The following RNF216 variants were observed in gnomAD, a reference collection of about 807,000 sequenced individuals.
The protein encoded by RNF216 is E3 ubiquitin-protein ligase RNF216.
RNF216 carries 72 observed loss-of-function variants against 110.8 expected under a neutral mutation model. The ratio of observed to expected loss-of-function variants is 0.65; its 90% CI spans 0.54 to 0.79. RNF216 has a LOEUF of 0.79. Ranked by LOEUF, RNF216 falls within the 30% of genes least tolerant of loss-of-function variation. The pLI is 0.00. For synonymous variants in RNF216, 495 were observed against 407.5 expected (o/e 1.21, Z -2.59); for missense variants, 1,342 against 1,141.2 (o/e 1.18, Z -2.54).
chr7:5,727,159 G>A (rs1381674638), intron 7 of RNF216, among the ~76,000 whole-genome samples: 1 of 152,202 alleles, frequency 6.6e-6, no homozygotes, highest in Admixed American at 6.5e-5. Context: ...TGAAACTCCT[G>A]CTGAAACTTA....
intron 13 of RNF216, among the ~76,000 whole-genome samples, chr7:5,688,165 C>G (rs1196383493): frequency 6.6e-6 from 1 of 152,202 alleles, no homozygotes; most frequent in African/African-American, 2.4e-5. Context: ...ACGCACAGAA[C>G]TGTGTAAAAC....
At chr7:5,656,447 T>C (rs1319059336) in intron 13 of RNF216, among the ~76,000 whole-genome samples, 1 of 152,188 alleles carries the variant, frequency 6.6e-6, no homozygotes, top group Non-Finnish European at 1.5e-5. Context: ...CAGGGTATCG[T>C]GGCCATCGCG....
chr7:5,774,192 C>T (rs113595947), intron 1 of RNF216, among the ~76,000 whole-genome samples: 2 of 168 alleles, frequency 0.012, no homozygotes, highest in Non-Finnish European at 0.023. Flanking sequence ...TCTTGGTTTC[C>T]CATTTAGTCA....
intron 1 of RNF216, among the ~76,000 whole-genome samples, chr7:5,763,726 T>C (rs1026010862): frequency 2.0e-5 from 3 of 152,048 alleles, no homozygotes; most frequent in African/African-American, 7.2e-5. Flanking sequence ...TGCACCACCA[T>C]GCCTAGCTGA....
intron 13 of RNF216, among the ~76,000 whole-genome samples, chr7:5,665,064 CT>C (rs1182401346): frequency 1.3e-5 from 2 of 152,176 alleles, no homozygotes; most frequent in African/African-American, 4.8e-5. Flanking sequence ...TCCCAAAGTG[CT>C]GCGATTACAG....
intron 5 of RNF216, among the ~76,000 whole-genome samples, chr7:5,734,451 G>C (rs114142862): frequency 0.025 from 3,750 of 152,166 alleles, 171 homozygotes; most frequent in African/African-American, 0.086. Context: ...TGTTTGGTTT[G>C]TGATAAATTA....
At chr7:5,679,903 G>A (rs1165821341) in intron 13 of RNF216, among the ~76,000 whole-genome samples, 1 of 152,136 alleles carries the variant, frequency 6.6e-6, no homozygotes, top group Non-Finnish European at 1.5e-5. Flanking sequence ...TGAGCCAGGC[G>A]GCTCCACAGT....
rs192415081 is a variant in RNF216, at chr7:5,663,563, G to A, written c.2062-11053C>T. ...TGCGCCACTGCACTCCAGTCTGGGC[G>A]ACACAGCGAGACTCCACCTCAGGAA... On this transcript the variant is annotated intron_variant, in intron 13 of 16. Transcript: ENST00000389902. Among the ~76,000 whole-genome samples, 8 of 133,656 alleles carry A rather than the reference G, an allele frequency of 6.0e-5. No individual in the cohort carries two copies. In the South Asian group the frequency reaches 1.4e-3, roughly 24 times the overall value. The allele number at this position is 133,656 out of a possible 152,430, so 87.7% of individuals were successfully genotyped here. A position where few individuals can be genotyped will look rare whatever the true frequency, so the allele number is the denominator to read the frequency against.
chr7:5,633,011 G>A (rs1410025309), intron 15 of RNF216, among the ~76,000 whole-genome samples: 10 of 151,908 alleles, frequency 6.6e-5, no homozygotes. Context: ...ACAGAGTCGT[G>A]CTCTATCGCC....
chr7:5,646,241 T>C (rs544667323), intron 14 of RNF216, among the ~76,000 whole-genome samples: 2 of 152,270 alleles, frequency 1.3e-5, no homozygotes, highest in South Asian at 4.1e-4. Flanking sequence ...TGGTGGTGCA[T>C]GCTTGTAGTC....
intron 1 of RNF216, among the ~76,000 whole-genome samples, chr7:5,770,924 C>G (rs1027383311): frequency 1.6e-4 from 24 of 152,002 alleles, no homozygotes; most frequent in African/African-American, 5.6e-4. Context: ...TCTCCTGCTT[C>G]AGCCTCCAGA....
chr7:5,642,571 T>C (rs1336178662), intron 14 of RNF216, among the ~76,000 whole-genome samples: 1 of 151,220 alleles, frequency 6.6e-6, no homozygotes, highest in Non-Finnish European at 1.5e-5. Context: ...GGTTCACATG[T>C]CTCAGCTTCC....
chr7:5,704,151 T>G (rs1353497106), intron 13 of RNF216, among the ~76,000 whole-genome samples: 3 of 152,210 alleles, frequency 2.0e-5, no homozygotes, highest in African/African-American at 7.2e-5. Context: ...TACAGTGTCT[T>G]ATTCTTCAGG....
intron 13 of RNF216, among the ~76,000 whole-genome samples, chr7:5,655,846 G>A (rs890822019): frequency 1.3e-5 from 2 of 151,872 alleles, no homozygotes; most frequent in South Asian, 2.1e-4. Context: ...CGCATATTAC[G>A]AAGAAACGCT....
At chr7:5,778,548 G>C (rs1446671623) in intron 1 of RNF216, among the ~76,000 whole-genome samples, 1 of 152,084 alleles carries the variant, frequency 6.6e-6, no homozygotes, top group Non-Finnish European at 1.5e-5. Flanking sequence ...TGATCCCAAA[G>C]CCCCAGGACA....
At chr7:5,686,222 AT>A (rs1371039689) in intron 13 of RNF216, among the ~76,000 whole-genome samples, 33 of 131,598 alleles carry the variant, frequency 2.5e-4, no homozygotes, top group African/African-American at 9.4e-4. Flanking sequence ...TGACTCTGTT[AT>A]TAAAAAAAAA....
At chr7:5,709,895 T>C (rs1792555806) in intron 13 of RNF216, among the ~76,000 whole-genome samples, 1 of 152,200 alleles carries the variant, frequency 6.6e-6, no homozygotes, top group African/African-American at 2.4e-5. Context: ...GCTAGGACTA[T>C]GGGCACACAC....
At chr7:5,645,177 T>C (rs1351031889) in intron 14 of RNF216, among the ~76,000 whole-genome samples, 1 of 152,066 alleles carries the variant, frequency 6.6e-6, no homozygotes, top group African/African-American at 2.4e-5. Context: ...ATGTCTTTGG[T>C]CTTGAACAGT....
chr7:5,673,605 C>T (rs2128597975), intron 13 of RNF216, among the ~76,000 whole-genome samples: 1 of 152,344 alleles, frequency 6.6e-6, no homozygotes, highest in African/African-American at 2.4e-5. Flanking sequence ...GAATGAGGGT[C>T]TGCAAGGAAT....
Sources: gnomAD v4.1 joint callset for allele counts (sites outside exome capture counted in the v4.1 genomes callset) on GRCh38, gnomAD v4.1.1 for gene constraint, MANE v1.5 for transcripts, NCBI Gene and HGNC (gene_info 2026-07-23, HGNC 2026-07-21) for gene names.